The following HIVEP2 variants were observed in gnomAD, a reference collection of about 807,000 sequenced individuals.
HIVEP2 encodes HIVEP zinc finger 2.
HIVEP2 carries 14 observed loss-of-function variants against 180.7 expected under a neutral mutation model. The ratio of observed to expected loss-of-function variants is 0.08; its 90% CI spans 0.05 to 0.12. HIVEP2 has a LOEUF of 0.12. Among genes scored for constraint, HIVEP2 ranks in the 10% least tolerant of loss-of-function variants. HIVEP2 has a pLI of 1.00. For synonymous variants in HIVEP2, 1,184 were observed against 1,136.4 expected, an observed-to-expected ratio of 1.04 and a Z score of -0.84; for missense variants, 2,579 against 3,008.5, an observed-to-expected ratio of 0.86 and a Z score of 3.34.
At chr6:142,844,878 T>A (rs1775469099) in intron 1 of HIVEP2, among the ~76,000 whole-genome samples, 1 of 152,174 alleles carries the variant, frequency 6.6e-6, no homozygotes. Flanking sequence ...TAAACACATA[T>A]GAATGGTTGC....
In HIVEP2 at chr6:142,853,407, A is replaced by G. The variant is rs143399843; in HGVS notation, c.-640-16360T>C. On this transcript the variant is annotated intron_variant, in intron 1 of 9. Transcript: ENST00000367603. The stretch of plus-strand genomic sequence containing the variant: ...TCTTCCGGCTCCCAGAATAGTTCCT[A>G]CTTAAAATGAATCATACTCTAACAG... 1.8e-4 allele frequency among the ~76,000 whole-genome samples: 27 copies of G among 152,308 alleles called. No homozygotes were observed. The East Asian group carries it at 5.0e-3, about 28-fold the overall frequency.
intron 2 of HIVEP2, among the ~76,000 whole-genome samples, chr6:142,807,502 T>C (rs572941093): frequency 6.6e-6 from 1 of 152,282 alleles, no homozygotes; most frequent in South Asian, 2.1e-4. Context: ...CTAATTTTTT[T>C]CCATAGAAAT....
At chr6:142,906,289 C>G (rs1273176026) in intron 1 of HIVEP2, among the ~76,000 whole-genome samples, 2 of 151,610 alleles carry the variant, frequency 1.3e-5, no homozygotes, top group African/African-American at 2.4e-5. Flanking sequence ...AATAACAAAA[C>G]GAGAATTAAA....
rs1562507411 is a variant in HIVEP2 at position 142,772,353 on chromosome 6, C to T, written c.2386G>A (p.Gly796Arg). 6.2e-7 allele frequency: 1 copy of T among 1,614,202 alleles called. No homozygotes were observed. Among genetic ancestry groups the T allele is most frequent in the East Asian group, 2.2e-5 (1 of 44,882 alleles). The change falls in exon 5 of 10, where the codon GGA becomes AGA. Residue 796 changes from glycine (G) to arginine (R), a missense_variant. Around this residue, in one of 11 missense-constraint regions of HIVEP2, gnomAD observed 524 missense variants for 563.6 expected, o/e 0.93. Coordinates refer to ENST00000367603, the MANE Select transcript of HIVEP2 (RefSeq NM_006734.4). The surrounding 1 kb of genome is among the most constrained non-coding windows in gnomAD (Gnocchi z 4.9). ...TGCTGAATCACAGAAATCACATTTC[C>T]AGGAGGTTTCCTGCCCCCTAGGTCT... Reference protein sequence around the residue: ...MSDLGGRKPPGNVISVIQHTN... With the variant: ...MSDLGGRKPPRNVISVIQHTN...
chr6:142,847,290 T>G (rs1187169542), intron 1 of HIVEP2, among the ~76,000 whole-genome samples: 2 of 152,212 alleles, frequency 1.3e-5, no homozygotes, highest in African/African-American at 2.4e-5. Context: ...TCGTTCTGGC[T>G]CTTTCACCAG....
At chr6:142,797,128 T>C (rs892880194) in intron 2 of HIVEP2, among the ~76,000 whole-genome samples, 4 of 152,186 alleles carry the variant, frequency 2.6e-5, no homozygotes, top group African/African-American at 9.6e-5. Flanking sequence ...TTTTATACAC[T>C]CCTAACACAC....
chr6:142,935,258 C>CACAG (rs1778024197), intron 1 of HIVEP2, among the ~76,000 whole-genome samples: 1 of 152,156 alleles, frequency 6.6e-6, no homozygotes, highest in African/African-American at 2.4e-5. Context: ...CTTAAGAGTG[C>CACAG]ACAGACAGGC....
chr6:142,816,586 G>A (rs1776843160), intron 2 of HIVEP2, among the ~76,000 whole-genome samples: 1 of 152,114 alleles, frequency 6.6e-6, no homozygotes, highest in African/African-American at 2.4e-5. Flanking sequence ...CCCTGCGTCT[G>A]GCATTTCTCG....
At chr6:142,796,646 T>C (rs987295849) in intron 2 of HIVEP2, among the ~76,000 whole-genome samples, 2 of 152,208 alleles carry the variant, frequency 1.3e-5, no homozygotes, top group Non-Finnish European at 1.5e-5. Flanking sequence ...CAGCTTTTTC[T>C]AATGTCATGA....
At chr6:142,939,596 A>G (rs1778129114) in intron 1 of HIVEP2, among the ~76,000 whole-genome samples, 1 of 152,186 alleles carries the variant, frequency 6.6e-6, no homozygotes, top group South Asian at 2.1e-4. Context: ...CAAGATCCTC[A>G]GTAAAAAAAA....
chr6:142,784,386 TA>T, intron 2 of HIVEP2, among the ~76,000 whole-genome samples: 1 of 152,168 alleles, frequency 6.6e-6, no homozygotes, highest in East Asian at 1.9e-4. Flanking sequence ...ACATAACAGT[TA>T]AAGTGTGCTT....
intron 2 of HIVEP2, among the ~76,000 whole-genome samples, chr6:142,820,743 C>T (rs1474715596): frequency 6.6e-6 from 1 of 151,976 alleles, no homozygotes; most frequent in African/African-American, 2.4e-5. Flanking sequence ...AAATAATGTA[C>T]TGTGCATGCC....
intron 7 of HIVEP2, among the ~76,000 whole-genome samples, chr6:142,763,959 G>A (rs1582834730): frequency 1.3e-5 from 2 of 152,178 alleles, no homozygotes; most frequent in African/African-American, 4.8e-5. Flanking sequence ...ATTTTACTTG[G>A]TATTTCTTTT....
chr6:142,943,797 A>G lies in HIVEP2; in HGVS notation c.-641+1302T>C, dbSNP rs1778234522. 6.6e-6 allele frequency among the ~76,000 whole-genome samples: 1 copy of G among 152,226 alleles called. No individual in the cohort carries two copies. The highest frequency in any genetic ancestry group is 1.5e-5 in the Non-Finnish European group (1 of 68,038). ...CAGAGAATAAGGGTTTTGCAATGTC[A>G]GTTGCACACACAACTTCCTGTGTGA... On this transcript the variant is annotated intron_variant, in intron 1 of 9. Coordinates refer to ENST00000367603, the MANE Select transcript of HIVEP2 (RefSeq NM_006734.4). The surrounding 1 kb of genome is among the most constrained non-coding windows in gnomAD (Gnocchi z 4.5).
At chr6:142,857,231 A>AT (rs1562266677) in intron 1 of HIVEP2, among the ~76,000 whole-genome samples, 1 of 152,120 alleles carries the variant, frequency 6.6e-6, no homozygotes, top group Non-Finnish European at 1.5e-5. Context: ...AAAAAAAAAA[A>AT]GTCATTTGCC....
intron 1 of HIVEP2, among the ~76,000 whole-genome samples, chr6:142,856,227 T>C (rs1775817758): frequency 6.6e-6 from 1 of 151,260 alleles, no homozygotes; most frequent in African/African-American, 2.4e-5. Context: ...AAAAGGAGAA[T>C]TTATGTCTCC....
chr6:142,877,035 T>G (rs1014163215), intron 1 of HIVEP2, among the ~76,000 whole-genome samples: 3 of 152,138 alleles, frequency 2.0e-5, no homozygotes, highest in African/African-American at 4.8e-5. Flanking sequence ...TGCAACAGAG[T>G]GACACCCTGT....
chr6:142,847,653 C>T (rs1277617233), intron 1 of HIVEP2, among the ~76,000 whole-genome samples: 5 of 152,140 alleles, frequency 3.3e-5, no homozygotes, highest in African/African-American at 1.2e-4. Context: ...AATTAAACAA[C>T]TGCTAACTGA....
intron 2 of HIVEP2, among the ~76,000 whole-genome samples, chr6:142,817,327 G>A (rs1199089527): frequency 6.6e-6 from 1 of 152,204 alleles, no homozygotes; most frequent in Non-Finnish European, 1.5e-5. Context: ...TCTAGGCTCT[G>A]TTCTCTCACT....
Sources: gnomAD v4.1 joint callset for allele counts (sites outside exome capture counted in the v4.1 genomes callset) on GRCh38, gnomAD v4.1.1 for gene constraint, gnomAD v4.1.1 regional missense constraint, Gnocchi (gnomAD v3.1) non-coding constraint, MANE v1.5 for transcripts, NCBI Gene and HGNC (gene_info 2026-07-23, HGNC 2026-07-21) for gene names.